Variants in LMO4 observed in about 807,000 individuals in gnomAD.
LMO4 encodes LIM domain transcription factor LMO4.
A neutral mutation model predicts 18.5 loss-of-function variants in LMO4; 3 were observed. The observed-to-expected ratio is 0.16, with a 90% CI of 0.07 to 0.42. The LOEUF is 0.42. Ranked by LOEUF, LMO4 falls within the 10% of genes least tolerant of loss-of-function variation. The pLI is 0.99. For synonymous variants in LMO4, 100 were observed against 88.1 expected, an observed-to-expected ratio of 1.14 and a Z score of -0.76; for missense variants, 121 against 219.9, an observed-to-expected ratio of 0.55 and a Z score of 2.84.
At chr1:87,341,455 A>G (rs1171359075) in intron 4 of LMO4, among the ~76,000 whole-genome samples, 2 of 152,230 alleles carry the variant, frequency 1.3e-5, no homozygotes, top group Non-Finnish European at 2.9e-5. Flanking sequence ...TCACAAAAAA[A>G]ACAACATTTA....
rs903979870 is a variant in LMO4 at position 87,347,242 on chromosome 1, A to G, written c.*2446A>G. 1 of 152,174 alleles carries G rather than the reference A, an allele frequency of 6.6e-6. No individual in the cohort carries two copies. The highest frequency in any genetic ancestry group is 2.1e-4 in the South Asian group (1 of 4,822). The allele number at this position is 152,174 out of a possible 1,614,324, so 9.4% of individuals were successfully genotyped here. A position where few individuals can be genotyped will look rare whatever the true frequency, so the allele number is the denominator to read the frequency against. On this transcript the variant is annotated 3_prime_UTR_variant, in exon 5 of 5. Coordinates refer to ENST00000370544, the MANE Select transcript of LMO4 (RefSeq NM_006769.4). ...TTCTCTTTGATGTGCTAAATTGGAGAAGGACTAATGGAGCTATGAATATAC... is the reference window on the plus strand; with the variant it reads ...TTCTCTTTGATGTGCTAAATTGGAGGAGGACTAATGGAGCTATGAATATAC...
chr1:87,339,678 T>C (rs1650417788), intron 3 of LMO4, 46 bp downstream of exon 3: 1 of 1,229,400 alleles, frequency 8.1e-7, no homozygotes, highest in Non-Finnish European at 1.2e-6. Context: ...AAATCATACC[T>C]TTCCTACCTA....
At chr1:87,343,530 C>T (rs1418461367) in intron 4 of LMO4, among the ~76,000 whole-genome samples, 1 of 152,112 alleles carries the variant, frequency 6.6e-6, no homozygotes, top group East Asian at 1.9e-4. Context: ...CTAGAATTAC[C>T]TGTGCTTTTC....
intron 2 of LMO4, among the ~76,000 whole-genome samples, chr1:87,333,407 T>G (rs929019535): frequency 6.6e-6 from 1 of 152,228 alleles, no homozygotes; most frequent in African/African-American, 2.4e-5. Flanking sequence ...TTAAAGTGAT[T>G]AGTAGAAAAT....
chr1:87,339,404 C>T (rs11161981), intron 2 of LMO4, 132 bp from the exon 3 acceptor site: 11,463 of 622,186 alleles, frequency 0.018, 831 homozygotes, highest in African/African-American at 0.17. Context: ...CTCAGAAAAT[C>T]TGAGGCTTGA....
chr1:87,334,426 G>A (rs1243095078), intron 2 of LMO4, among the ~76,000 whole-genome samples: 1 of 152,134 alleles, frequency 6.6e-6, no homozygotes, highest in Non-Finnish European at 1.5e-5. Flanking sequence ...TGTCCAAAGG[G>A]TGGGAAGGTG....
intron 2 of LMO4, among the ~76,000 whole-genome samples, chr1:87,339,086 G>A (rs1436793850): frequency 1.3e-5 from 2 of 152,170 alleles, no homozygotes. Context: ...AATACACTGA[G>A]CATGATGTCT....
At chr1:87,331,361 A>G (rs1434512746) in intron 1 of LMO4, 1 of 152,044 alleles carries the variant, frequency 6.6e-6, no homozygotes, top group East Asian at 1.9e-4. Flanking sequence ...CACTGCACCC[A>G]CCCCTCCCGT....
At position 87,340,202 on chromosome 1, in the gene LMO4, G is replaced by A; in HGVS notation, c.489G>A (p.Lys163=). 6.2e-7 allele frequency: 1 copy of A among 1,613,818 alleles called. No individual in the cohort carries two copies. The highest frequency in any genetic ancestry group is 8.5e-7 in the Non-Finnish European group (1 of 1,179,904). Residue 163 remains lysine, a splice_region_variant and synonymous_variant, in exon 4 of 5, where the codon AAG becomes AAA. Transcript: ENST00000370544. Reference sequence around the variant, plus strand: ...GCAATCCACTACTGCCAGACCAGAAGGTGAATACCCAGCAATTACTAATAA... The same window carrying A: ...GCAATCCACTACTGCCAGACCAGAAAGTGAATACCCAGCAATTACTAATAA... The part of the protein sequence containing the change: ...LQSNPLLPDQ[K]VC
Position 87,341,663 on chromosome 1 carries a change from A to G in LMO4, c.489+1461A>G, listed in dbSNP as rs182045553. Among the ~76,000 whole-genome samples, 97 of 152,322 alleles carry G rather than the reference A, an allele frequency of 6.4e-4. 1 individual carries two copies. The highest frequency in any genetic ancestry group is 2.5e-4 in the Non-Finnish European group (17 of 68,008). On this transcript the variant is annotated intron_variant, in intron 4 of 4. Transcript: ENST00000370544. ...TTTCCCTTGCTCAAGTTTATGAGGT[A>G]ATTTTAAATGTATGTTCTGTTTCTT...
chr1:87,331,975 T>G, intron 1 of LMO4, 38 bp from the exon 2 acceptor site: 1 of 1,537,974 alleles, frequency 6.5e-7, no homozygotes, highest in South Asian at 1.1e-5. Context: ...CGCCCCTGTT[T>G]TGTCTTTCTC....
chr1:87,339,110 A>G (rs1356020327), intron 2 of LMO4, among the ~76,000 whole-genome samples: 1 of 152,224 alleles, frequency 6.6e-6, no homozygotes, highest in Non-Finnish European at 1.5e-5. Context: ...TAGATATACA[A>G]TCAAATCCTC....
Position 87,340,035 on chromosome 1 carries a change from T to C in LMO4, c.334-12T>C. 1 of 1,608,112 alleles carries C rather than the reference T, an allele frequency of 6.2e-7. No homozygotes were observed. The highest frequency in any genetic ancestry group is 8.5e-7 in the Non-Finnish European group (1 of 1,177,792). On this transcript the variant is annotated splice_polypyrimidine_tract_variant and intron_variant, in intron 3 of 4. Coordinates refer to ENST00000370544, the MANE Select transcript of LMO4 (RefSeq NM_006769.4). ...TTACCTTGTTTTCAGTGGGTTTGTT[T>C]TTCCCTTTCAGTGTTTTACATGCTC...
intron 1 of LMO4, chr1:87,331,658 G>A (rs1239631016): frequency 1.1e-5 from 3 of 285,224 alleles, no homozygotes; most frequent in African/African-American, 6.6e-5. Flanking sequence ...GGGGGCAGTG[G>A]GCGGAGGCGG....
At chr1:87,341,373 A>G (rs968168139) in intron 4 of LMO4, among the ~76,000 whole-genome samples, 1 of 152,210 alleles carries the variant, frequency 6.6e-6, no homozygotes, top group Non-Finnish European at 1.5e-5. Context: ...CATTGAAACA[A>G]AAAGTGCACA....
intron 4 of LMO4, 73 bp from the exon 5 acceptor site, chr1:87,344,715 A>C (rs2100570494): frequency 6.9e-7 from 1 of 1,445,682 alleles, no homozygotes; most frequent in Non-Finnish European, 9.7e-7. Context: ...GGAAGACAAA[A>C]GCAGTCATGT....
intron 2 of LMO4, among the ~76,000 whole-genome samples, chr1:87,332,748 CTGTGATTCGTTCTT>C (rs1650192984): frequency 6.6e-6 from 1 of 152,164 alleles, no homozygotes; most frequent in Non-Finnish European, 1.5e-5. Flanking sequence ...GAGCGGAAGG[CTGTGATTCGTTCTT>C]TGTGCTCCTT....
rs375341803 is a variant in LMO4 at position 87,340,085 on chromosome 1, G to T, written c.372G>T (p.Pro124=). ...CTACCTGCCGGAATCGCCTGGTCCC[G>T]GGAGATCGGTTTCACTACATCAATG... ...TCSTCRNRLV[P]GDRFHYINGS... The change falls in exon 4 of 5, where the codon CCG becomes CCT. Residue 124 remains proline, a synonymous_variant. Transcript: ENST00000370544. 37 of 1,613,882 alleles carry T rather than the reference G, an allele frequency of 2.3e-5. No homozygotes were observed. The Admixed American group carries it at 5.7e-4, about 25-fold the overall frequency.
chr1:87,337,579 C>T (rs1331222375), intron 2 of LMO4, among the ~76,000 whole-genome samples: 6 of 152,204 alleles, frequency 3.9e-5, no homozygotes, highest in Non-Finnish European at 7.3e-5. Context: ...CCCCCTTCTA[C>T]CCCCATTACC....
Sources: allele counts gnomAD v4.1 joint callset (sites outside exome capture counted in the v4.1 genomes callset), GRCh38; gene constraint gnomAD v4.1.1; transcripts MANE v1.5; gene names NCBI Gene and HGNC (gene_info 2026-07-23, HGNC 2026-07-21).